DNAH7: variants seen among roughly 807,000 people sequenced by gnomAD.
DNAH7 encodes axonemal beta dynein heavy chain 7.
DNAH7 carries 397 observed loss-of-function variants against 444.6 expected under a neutral mutation model. That is an observed-to-expected ratio of 0.89 (90% CI 0.82 to 0.97). The LOEUF (loss-of-function observed/expected upper bound fraction) is 0.97, where lower values mean the gene tolerates loss of function less well. Ranked by LOEUF, DNAH7 falls within the 50% of genes least tolerant of loss-of-function variation. The pLI is 0.00. For synonymous variants in DNAH7, 1,636 were observed against 1,624.4 expected (o/e 1.01, Z -0.17); for missense variants, 4,902 against 4,800.8 (o/e 1.02, Z -0.62).
chr2:195,816,959 A>G lies in DNAH7; in HGVS notation c.9430T>C (p.Leu3144=), dbSNP rs1182734614. 1 of 1,582,972 alleles carries G rather than the reference A, an allele frequency of 6.3e-7. No individual in the cohort carries two copies. Among genetic ancestry groups the G allele is most frequent in the East Asian group, 2.2e-5 (1 of 44,488 alleles). The change falls in exon 51 of 65, where the codon TTA becomes CTA. Residue 3144 remains leucine, a synonymous_variant. Transcript: ENST00000312428. ...ILQGAENKRQ[L]KEIEDKILEV... ...AAAATCTTGTCTTCTATTTCTTTTA[A>G]CTGCCTGGAATAAAACAAAATTTTC...
At chr2:195,796,823 T>C (rs1487248365) in intron 55 of DNAH7, 86 bp from the exon 56 acceptor site, 1 of 1,389,828 alleles carries the variant, frequency 7.2e-7, no homozygotes, top group Admixed American at 2.3e-5. Flanking sequence ...ACATTGACTA[T>C]ATTACAACTT....
At chr2:196,033,295 C>T (rs1454806853) in intron 5 of DNAH7, among the ~76,000 whole-genome samples, 1 of 152,168 alleles carries the variant, frequency 6.6e-6, no homozygotes, top group Middle Eastern at 3.2e-3. Context: ...AAATACTTAA[C>T]ACTTTGTGTG....
intron 10 of DNAH7, among the ~76,000 whole-genome samples, chr2:196,002,745 C>T (rs1278935142): frequency 6.6e-6 from 1 of 152,082 alleles, no homozygotes; most frequent in African/African-American, 2.4e-5. Flanking sequence ...CAGTGGCTCA[C>T]ACCTGTAGTC....
intron 54 of DNAH7, among the ~76,000 whole-genome samples, chr2:195,801,150 C>A (rs1015744520): frequency 9.2e-5 from 14 of 152,152 alleles, no homozygotes; most frequent in Non-Finnish European, 1.5e-5. Flanking sequence ...GCCTGTAGAA[C>A]CATGAGTTTC....
Position 195,970,061 on chromosome 2 carries a change from T to C in DNAH7, c.2092A>G (p.Ser698Gly). ...AATTCTTCTGATTGCTTAGCATAAC[T>C]CTCCAATTCCTCCACAAACCGTTCA... ...RCERFVEELE[S>G]YAKQSEEFYS... is the part of the protein sequence containing the mutation. Residue 698 changes from serine (S) to glycine (G), a missense_variant, in exon 17 of 65, where the codon AGT becomes GGT. Physicochemically the swap from Ser to Gly is moderately conservative, Grantham distance 56. Coordinates refer to ENST00000312428, the MANE Select transcript of DNAH7 (RefSeq NM_018897.3). 1 of 1,612,266 alleles carries C rather than the reference T, an allele frequency of 6.2e-7. No homozygotes were observed. The highest frequency in any genetic ancestry group is 2.2e-5 in the East Asian group (1 of 44,670).
At chr2:195,996,438 T>C (rs1264264029) in intron 12 of DNAH7, among the ~76,000 whole-genome samples, 1 of 152,024 alleles carries the variant, frequency 6.6e-6, no homozygotes, top group Admixed American at 6.6e-5. Flanking sequence ...CTTTTTTTTT[T>C]TTTTTGAGAC....
chr2:196,059,967 G>A (rs1698044127), intron 1 of DNAH7, among the ~76,000 whole-genome samples: 1 of 152,150 alleles, frequency 6.6e-6, no homozygotes, highest in Non-Finnish European at 1.5e-5. Context: ...TGTAATCCCA[G>A]CACTTTGGGA....
intron 15 of DNAH7, among the ~76,000 whole-genome samples, chr2:195,978,133 T>C (rs1003050734): frequency 6.6e-6 from 1 of 151,970 alleles, no homozygotes; most frequent in Non-Finnish European, 1.5e-5. Flanking sequence ...GTGTAAACTA[T>C]ATATATATGT....
At chr2:195,858,918 G>C in intron 42 of DNAH7, 114 bp from the exon 43 acceptor site, 1 of 811,228 alleles carries the variant, frequency 1.2e-6, no homozygotes, top group Non-Finnish European at 1.9e-6. Context: ...CTACGGAGTG[G>C]TCTAAAAGAT....
intron 31 of DNAH7, among the ~76,000 whole-genome samples, chr2:195,890,594 G>A (rs1701958993): frequency 6.6e-6 from 1 of 152,068 alleles, no homozygotes; most frequent in South Asian, 2.1e-4. Flanking sequence ...CCTCCATTGT[G>A]GCAAGATAGG....
chr2:195,951,305 CTGTT>C (rs1442825045), intron 19 of DNAH7, among the ~76,000 whole-genome samples: 1 of 152,082 alleles, frequency 6.6e-6, no homozygotes, highest in East Asian at 1.9e-4. Flanking sequence ...GTCTGAGAGA[CTGTT>C]TGTTATGATT....
At chr2:196,054,009 C>T (rs1021738518) in intron 2 of DNAH7, among the ~76,000 whole-genome samples, 1 of 152,180 alleles carries the variant, frequency 6.6e-6, no homozygotes, top group Non-Finnish European at 1.5e-5. Flanking sequence ...TTCATGTGAG[C>T]AAGGCCTAAT....
intron 17 of DNAH7, 35 bp downstream of exon 17, chr2:195,969,913 A>G: frequency 1.3e-6 from 2 of 1,585,710 alleles, no homozygotes; most frequent in Non-Finnish European, 1.7e-6. Flanking sequence ...TTTCAATTGA[A>G]CTAATTCATC....
chr2:196,068,599 G>T lies in DNAH7; in HGVS notation c.15+98C>A. On this transcript the variant is annotated intron_variant, in intron 1 of 64. Coordinates refer to ENST00000312428, the MANE Select transcript of DNAH7 (RefSeq NM_018897.3). ...GGAAGCTGTACACCGCGGAGTCACA[G>T]CTGGGGAGTTCGCTAGGCAGGAGGG... The T allele has an allele frequency of 6.7e-7, 1 of 1,502,032 alleles. No homozygotes were observed. Among genetic ancestry groups the T allele is most frequent in the Non-Finnish European group, 9.0e-7 (1 of 1,109,446 alleles). 93.0% of individuals were successfully genotyped at this position (1,502,032 alleles called of 1,614,324 possible).
chr2:195,934,528 A>T, intron 21 of DNAH7, 63 bp downstream of exon 21: 2 of 1,515,964 alleles, frequency 1.3e-6, no homozygotes, highest in Non-Finnish European at 1.8e-6. Context: ...TATCAACAGA[A>T]TATTTCTAAT....
chr2:195,762,645 A>G (rs1029786587), intron 61 of DNAH7, among the ~76,000 whole-genome samples: 1 of 152,242 alleles, frequency 6.6e-6, no homozygotes, highest in Admixed American at 6.5e-5. Flanking sequence ...AGGCCATTAT[A>G]TAATGATAAA....
chr2:195,868,306 G>T (rs1198090873), intron 40 of DNAH7, among the ~76,000 whole-genome samples: 4 of 151,262 alleles, frequency 2.6e-5, no homozygotes, highest in African/African-American at 9.7e-5. Flanking sequence ...CCATGGTCTC[G>T]ATCTCCTGAC....
At chr2:195,922,379 CTTTAA>C (rs1248595080) in intron 23 of DNAH7, among the ~76,000 whole-genome samples, 182 bp from the exon 24 acceptor site, 1 of 152,114 alleles carries the variant, frequency 6.6e-6, no homozygotes, top group Non-Finnish European at 1.5e-5. Context: ...AAGTCACTGG[CTTTAA>C]TTTTTCCCAT....
chr2:195,892,781 C>T (rs1219967826), intron 30 of DNAH7: 2 of 151,878 alleles, frequency 1.3e-5, no homozygotes, highest in African/African-American at 2.4e-5. Context: ...ACTTTCACTC[C>T]CCTAAAAATC....
Sources: allele counts gnomAD v4.1 joint callset (sites outside exome capture counted in the v4.1 genomes callset), GRCh38; gene constraint gnomAD v4.1.1; transcripts MANE v1.5; gene names NCBI Gene and HGNC (gene_info 2026-07-23, HGNC 2026-07-21).